Variants in CEP89 observed in about 807,000 individuals in gnomAD.
The protein encoded by CEP89 is centrosomal protein 89.
CEP89 carries 95 observed loss-of-function variants against 97.6 expected under a neutral mutation model. That is an observed-to-expected ratio of 0.97 (90% CI 0.82 to 1.15). The LOEUF is 1.15. Among genes scored for constraint, CEP89 ranks in the 50% most tolerant of loss-of-function variants. The pLI, the probability that CEP89 is intolerant of heterozygous loss-of-function variation, is 0.00. For missense variants in CEP89, 869 were observed against 947.7 expected (o/e 0.92, Z 1.09); for synonymous variants, 354 against 349.1 (o/e 1.01, Z -0.16).
At chr19:32,927,251 A>AT (rs1314969539) in intron 9 of CEP89, among the ~76,000 whole-genome samples, 3 of 152,182 alleles carry the variant, frequency 2.0e-5, no homozygotes, top group East Asian at 3.9e-4. Flanking sequence ...TGAGAGAAAT[A>AT]TTTTTTCTGA....
chr19:32,922,922 T>G (rs906231609), intron 12 of CEP89, among the ~76,000 whole-genome samples: 2 of 151,092 alleles, frequency 1.3e-5, no homozygotes, highest in African/African-American at 4.9e-5. Context: ...TATAGACAAG[T>G]GCCATTACAG....
chr19:32,918,680 C>T (rs1023979837), intron 12 of CEP89, among the ~76,000 whole-genome samples: 1 of 152,070 alleles, frequency 6.6e-6, no homozygotes, highest in Non-Finnish European at 1.5e-5. Flanking sequence ...CTGTATAAAC[C>T]TCTAGTCCTG....
At chr19:32,964,491 C>T (rs992024456) in intron 2 of CEP89, among the ~76,000 whole-genome samples, 2 of 152,148 alleles carry the variant, frequency 1.3e-5, no homozygotes, top group African/African-American at 4.8e-5. Context: ...ATGTTTACAG[C>T]AGCCTTTTTC....
chr19:32,967,231 A>G (rs1278243794), intron 1 of CEP89, among the ~76,000 whole-genome samples: 1 of 152,168 alleles, frequency 6.6e-6, no homozygotes, highest in Admixed American at 6.6e-5. Flanking sequence ...CCAAGACGAG[A>G]GTAATGAAAA....
At chr19:32,899,559 T>C (rs1332885516) in intron 16 of CEP89, among the ~76,000 whole-genome samples, 1 of 152,228 alleles carries the variant, frequency 6.6e-6, no homozygotes, top group Non-Finnish European at 1.5e-5. Flanking sequence ...ATACAGCAGA[T>C]GGTTCCCAAC....
intron 14 of CEP89, among the ~76,000 whole-genome samples, chr19:32,902,488 A>G (rs773478976): frequency 1.8e-4 from 27 of 152,236 alleles, no homozygotes; most frequent in South Asian, 6.2e-4. Flanking sequence ...GCTTTCAGCC[A>G]AGATAGAGTT....
chr19:32,954,977 T>C (rs892541099), intron 3 of CEP89, among the ~76,000 whole-genome samples: 4 of 151,532 alleles, frequency 2.6e-5, no homozygotes, highest in African/African-American at 9.7e-5. Flanking sequence ...AGCCTGCTAT[T>C]AATAAGTATT....
intron 3 of CEP89, among the ~76,000 whole-genome samples, chr19:32,958,488 G>A (rs1248830452): frequency 6.9e-6 from 1 of 144,494 alleles, no homozygotes; most frequent in Non-Finnish European, 1.5e-5. Flanking sequence ...ATTACAGACC[G>A]GCCAACATGG....
At chr19:32,898,718 G>A (rs907558532) in intron 16 of CEP89, among the ~76,000 whole-genome samples, 2 of 151,682 alleles carry the variant, frequency 1.3e-5, no homozygotes, top group African/African-American at 4.8e-5. Context: ...CTTGTCTCTA[G>A]TAAAAATACA....
intron 3 of CEP89, among the ~76,000 whole-genome samples, chr19:32,958,787 C>T (rs955033720): frequency 5.3e-5 from 8 of 151,942 alleles, no homozygotes; most frequent in African/African-American, 1.2e-4. Flanking sequence ...GAGGCCGAGG[C>T]GGGTGGATCA....
chr19:32,953,865 ATC>A (rs1970989970), intron 3 of CEP89, 64 bp from the exon 4 acceptor site: 50 of 977,670 alleles, frequency 5.1e-5, no homozygotes, highest in Admixed American at 7.8e-5. Context: ...ACTGATAAAT[ATC>A]TTTTTTTTTT....
At chr19:32,924,293 A>G (rs1162698861) in intron 11 of CEP89, among the ~76,000 whole-genome samples, 1 of 152,222 alleles carries the variant, frequency 6.6e-6, no homozygotes, top group Non-Finnish European at 1.5e-5. Context: ...ACATCCAGCC[A>G]AGGCTCTTAG....
At chr19:32,955,741 T>C (rs10406532) in intron 3 of CEP89, among the ~76,000 whole-genome samples, 33,446 of 152,048 alleles carry the variant, frequency 0.22, 3,872 homozygotes, top group Admixed American at 0.33. Flanking sequence ...CTTGAACTCC[T>C]GACCTCAAGT....
chr19:32,914,531 CAA>C (rs1487715567), intron 14 of CEP89, among the ~76,000 whole-genome samples: 2 of 151,916 alleles, frequency 1.3e-5, no homozygotes, highest in African/African-American at 4.8e-5. Context: ...CTTGGCCTCT[CAA>C]AGTGTTGGGA....
rs1568539015 is a variant in CEP89, at chr19:32,876,966, G to A, written c.*2196C>T. On this transcript the variant is annotated 3_prime_UTR_variant, in exon 19 of 19. Transcript: ENST00000305768. The stretch of plus-strand genomic sequence containing the variant: ...TGTCAACAGTGGTTCTCTAGGTCAC[G>A]ATGGCGGGAGCAGCATTCCTGCTGA... The A allele has an allele frequency of 6.6e-6, 1 of 152,258 alleles. No homozygotes were observed. Among genetic ancestry groups the A allele is most frequent in the Admixed American group, 6.5e-5 (1 of 15,286 alleles). The allele number at this position is 152,258 out of a possible 1,614,324, so 9.4% of individuals were successfully genotyped here.
chr19:32,905,912 G>C (rs1042518782), intron 14 of CEP89, among the ~76,000 whole-genome samples: 4 of 152,118 alleles, frequency 2.6e-5, no homozygotes, highest in Non-Finnish European at 5.9e-5. Flanking sequence ...CAGAGACAAG[G>C]TCTCCCTATG....
intron 14 of CEP89, among the ~76,000 whole-genome samples, chr19:32,910,360 C>T (rs1287718945): frequency 1.3e-5 from 2 of 151,256 alleles, no homozygotes; most frequent in African/African-American, 4.9e-5. Flanking sequence ...GGGCACTTAA[C>T]CATGAATAGA....
At position 32,939,436 on chromosome 19, in the gene CEP89, G is replaced by T. The variant is rs996985226; in HGVS notation, c.624+421C>A. ...TCATGCCTGTAATCCCAGCATTTTG[G>T]GAGGTCGAGATGGGCAGATCACTTG... On this transcript the variant is annotated intron_variant, in intron 6 of 18. Transcript: ENST00000305768. Among the ~76,000 whole-genome samples the T allele has an allele frequency of 2.6e-5, 4 of 152,032 alleles. 1 individual carries two copies. The highest frequency in any genetic ancestry group is 2.6e-4 in the Admixed American group (4 of 15,254).
At chr19:32,929,544 G>C (rs1385504313) in intron 9 of CEP89, among the ~76,000 whole-genome samples, 1 of 151,958 alleles carries the variant, frequency 6.6e-6, no homozygotes, top group East Asian at 1.9e-4. Flanking sequence ...AGAGATTGCA[G>C]TGAGCTGAGA....
Sources: gnomAD v4.1 joint callset for allele counts (sites outside exome capture counted in the v4.1 genomes callset) on GRCh38, gnomAD v4.1.1 for gene constraint, MANE v1.5 for transcripts, NCBI Gene and HGNC (gene_info 2026-07-23, HGNC 2026-07-21) for gene names.